The following ZMYM5 variants were observed in gnomAD, a reference collection of about 807,000 sequenced individuals.
ZMYM5 encodes zinc finger MYM-type protein 5.
A neutral mutation model predicts 61.8 loss-of-function variants in ZMYM5; 41 were observed. That is an observed-to-expected ratio of 0.66 (90% CI 0.52 to 0.86). ZMYM5 has a LOEUF of 0.86. Among genes scored for constraint, ZMYM5 ranks in the 40% least tolerant of loss-of-function variants. The pLI is 0.00. For synonymous variants in ZMYM5, 257 were observed against 276.4 expected, an observed-to-expected ratio of 0.93 and a Z score of 0.70; for missense variants, 706 against 786.7, an observed-to-expected ratio of 0.90 and a Z score of 1.23.
chr13:19,828,932 G>C (rs1344156578), intron 7 of ZMYM5, among the ~76,000 whole-genome samples: 2 of 151,960 alleles, frequency 1.3e-5, no homozygotes, highest in Admixed American at 1.3e-4. Flanking sequence ...TCCCCTAAGA[G>C]TATAATGGAG....
At chr13:19,835,968 C>T (rs930101253) in intron 6 of ZMYM5, among the ~76,000 whole-genome samples, 1 of 151,952 alleles carries the variant, frequency 6.6e-6, no homozygotes, top group African/African-American at 2.4e-5. Context: ...GGATTACAGG[C>T]GCCCGCCACC....
Position 19,835,573 on chromosome 13 carries a change from C to T in ZMYM5, c.1155G>A (p.Glu385=), listed in dbSNP as rs539772012. The change falls in exon 7 of 8, where the codon GAG becomes GAA. Residue 385 remains glutamate, a synonymous_variant. Coordinates refer to ENST00000337963, the MANE Select transcript of ZMYM5 (RefSeq NM_001142684.2). ...LIMNCCEHCG[E]YMPSKSTGNN... ...TTCCAGTACTCTTACTAGGCATGTA[C>T]TCTCCACAGTGTTCACAGCAGTTCA... The T allele has an allele frequency of 1.5e-5, 21 of 1,367,714 alleles. No individual in the cohort carries two copies. Among genetic ancestry groups the T allele is most frequent in the Middle Eastern group, 2.1e-4 (1 of 4,768 alleles). The allele number at this position is 1,367,714 out of a possible 1,614,324, so 84.7% of individuals were successfully genotyped here. A position where few individuals can be genotyped will look rare whatever the true frequency, so the allele number is the denominator to read the frequency against.
intron 2 of ZMYM5, among the ~76,000 whole-genome samples, chr13:19,852,401 A>G (rs1953347633): frequency 6.6e-6 from 1 of 152,120 alleles, no homozygotes; most frequent in South Asian, 2.1e-4. Context: ...ATTCTAATCA[A>G]TTTATAGTAC....
rs537794754 is a variant in ZMYM5, at chr13:19,851,325, G to C, written c.586+30C>G. 5.4e-4 allele frequency: 849 copies of C among 1,559,778 alleles called. 18 individuals carry two copies. In the South Asian group the frequency reaches 9.1e-3, roughly 17 times the overall value. On this transcript the variant is annotated intron_variant, in intron 4 of 7. Transcript: ENST00000337963. ...AGAACAGCCAAAGGCTTATTTACTT[G>C]AGGTAGAAACAGTATCACTTACTGC...
intron 2 of ZMYM5, among the ~76,000 whole-genome samples, chr13:19,852,507 G>A (rs899338306): frequency 6.6e-6 from 1 of 152,056 alleles, no homozygotes; most frequent in African/African-American, 2.4e-5. Context: ...ATAACTTAGG[G>A]TCCTAATATA....
intron 7 of ZMYM5, among the ~76,000 whole-genome samples, chr13:19,828,582 TC>T (rs1415946556): frequency 1.3e-5 from 2 of 152,156 alleles, no homozygotes; most frequent in Non-Finnish European, 2.9e-5. Flanking sequence ...TATTATGAAT[TC>T]CCAACCTTAT....
intron 3 of ZMYM5, 111 bp from the exon 4 acceptor site, chr13:19,851,559 T>G (rs1350160015): frequency 6.5e-7 from 1 of 1,541,882 alleles, no homozygotes; most frequent in Non-Finnish European, 8.9e-7. Flanking sequence ...GTTTTATATG[T>G]AATAATTATG....
chr13:19,853,372 A>G (rs540723425), intron 2 of ZMYM5, among the ~76,000 whole-genome samples: 3 of 152,356 alleles, frequency 2.0e-5, no homozygotes, highest in Admixed American at 1.3e-4. Flanking sequence ...CTCAACTGAA[A>G]GAAGGCAAAA....
chr13:19,859,650 G>A (rs1472505987), intron 2 of ZMYM5, among the ~76,000 whole-genome samples: 19 of 151,576 alleles, frequency 1.3e-4, no homozygotes, highest in Admixed American at 1.1e-3. Context: ...CTCATGATCT[G>A]CCCACCTTGG....
intron 4 of ZMYM5, among the ~76,000 whole-genome samples, chr13:19,840,844 A>AT (rs1418055771): frequency 1.3e-5 from 2 of 151,812 alleles, no homozygotes; most frequent in Non-Finnish European, 2.9e-5. Context: ...TGCCCGGCTA[A>AT]TTTTTTGTAT....
intron 4 of ZMYM5, among the ~76,000 whole-genome samples, chr13:19,841,009 T>TC: frequency 6.9e-6 from 1 of 144,970 alleles, no homozygotes; most frequent in East Asian, 2.0e-4. Flanking sequence ...TTTTTTTTTT[T>TC]TGAGACAGAG....
intron 2 of ZMYM5, among the ~76,000 whole-genome samples, chr13:19,861,900 G>A (rs544389549): frequency 2.0e-5 from 3 of 151,618 alleles, no homozygotes; most frequent in South Asian, 4.2e-4. Context: ...TCCTAACAGA[G>A]AGAGATCAGG....
At position 19,838,721 on chromosome 13, in the gene ZMYM5, G is replaced by GT; in HGVS notation, c.850dup (p.Thr284AsnfsTer7). 1 of 1,614,196 alleles carries GT rather than the reference G, an allele frequency of 6.2e-7. No homozygotes were observed. On this transcript the variant is annotated frameshift_variant, in exon 5 of 8. Coordinates refer to ENST00000337963, the MANE Select transcript of ZMYM5 (RefSeq NM_001142684.2). LOFTEE classifies it high-confidence loss of function. ...TTACTTTTTACATATTATGCTTCGT[G>GT]TGTTTTGAGTACGTTTATGAGAGAA... is the stretch of plus-strand genomic sequence containing the variant.
intron 2 of ZMYM5, among the ~76,000 whole-genome samples, chr13:19,855,958 A>G (rs539482135): frequency 9.2e-5 from 14 of 151,768 alleles, no homozygotes; most frequent in South Asian, 4.2e-4. Flanking sequence ...GGAGCTTGCA[A>G]TGAGCAGAGA....
chr13:19,860,935 C>CGTGTGTGTGTGTGTGT (rs10690639), intron 2 of ZMYM5, among the ~76,000 whole-genome samples: 29 of 136,830 alleles, frequency 2.1e-4, no homozygotes, highest in African/African-American at 7.6e-4. Context: ...TATATGCGCA[C>CGTGTGTGTGTGTGTGT]GTGTGTGTGT....
intron 7 of ZMYM5, among the ~76,000 whole-genome samples, chr13:19,830,823 TTA>T (rs1255494046): frequency 1.3e-5 from 2 of 149,950 alleles, no homozygotes; most frequent in African/African-American, 2.5e-5. Context: ...TGCCAACTGT[TTA>T]TGAGTTACTT....
chr13:19,851,318 T>G, intron 4 of ZMYM5, 37 bp downstream of exon 4: 1 of 1,549,092 alleles, frequency 6.5e-7, no homozygotes, highest in Non-Finnish European at 8.9e-7. Context: ...CAAAGGCTTA[T>G]TTACTTGAGG....
chr13:19,842,571 C>T (rs1952914142), intron 4 of ZMYM5, among the ~76,000 whole-genome samples: 1 of 150,038 alleles, frequency 6.7e-6, no homozygotes, highest in South Asian at 2.1e-4. Flanking sequence ...TTTATCTATG[C>T]TATGTCAAGT....
intron 5 of ZMYM5, 67 bp downstream of exon 5, chr13:19,838,633 A>T (rs1952751559): frequency 6.4e-7 from 1 of 1,553,094 alleles, no homozygotes; most frequent in East Asian, 2.2e-5. Context: ...CTCTGCAGTT[A>T]TATTGAGTAC....
Sources: allele counts gnomAD v4.1 joint callset (sites outside exome capture counted in the v4.1 genomes callset), GRCh38; gene constraint gnomAD v4.1.1; transcripts MANE v1.5; gene names NCBI Gene and HGNC (gene_info 2026-07-23, HGNC 2026-07-21).